The following DNAH14 variants were observed in gnomAD, a reference collection of about 807,000 sequenced individuals.
The protein encoded by DNAH14 is dynein axonemal heavy chain 14, also known as axonemal beta dynein heavy chain 14.
In DNAH14, 478 loss-of-function variants were observed where a neutral mutation model predicts 520.9. The ratio of observed to expected loss-of-function variants is 0.92; its 90% CI spans 0.85 to 0.99. The LOEUF is 0.99. DNAH14 is among the 50% of genes least tolerant of loss of function. The pLI, the probability that DNAH14 is intolerant of heterozygous loss-of-function variation, is 0.00. For synonymous variants in DNAH14, 1,581 were observed against 1,757.2 expected, an observed-to-expected ratio of 0.90 and a Z score of 2.51; for missense variants, 4,831 against 5,234.5, an observed-to-expected ratio of 0.92 and a Z score of 2.38.
chr1:225,065,025 GATA>G (rs1285994471), intron 17 of DNAH14, among the ~76,000 whole-genome samples: 1 of 151,844 alleles, frequency 6.6e-6, no homozygotes, highest in Admixed American at 6.6e-5. Flanking sequence ...GTAAATTGGG[GATA>G]ATATTATTAC....
At position 225,364,883 on chromosome 1, in the gene DNAH14, A is replaced by C. The variant is rs1234687132; in HGVS notation, c.12079A>C (p.Lys4027Gln). 3 of 1,545,302 alleles carry C rather than the reference A, an allele frequency of 1.9e-6. No individual in the cohort carries two copies. Among genetic ancestry groups the C allele is most frequent in the Non-Finnish European group, 2.6e-6 (3 of 1,144,424 alleles). Reference sequence around the variant, plus strand: ...TTCTTTTCCAATTCCTGTTCTTAAAAAGGGTTTAAAGGTAAGAACAAAGTA... The same window carrying C: ...TTCTTTTCCAATTCCTGTTCTTAAACAGGGTTTAAAGGTAAGAACAAAGTA... Reference protein sequence around the residue: ...YSSFPIPVLKKGLKIAVESPQ... With the variant: ...YSSFPIPVLKQGLKIAVESPQ... Residue 4027 changes from lysine to glutamine, a missense_variant, in exon 76 of 86, where the codon AAG (lysine) becomes CAG (glutamine). Coordinates refer to ENST00000682510, the MANE Select transcript of DNAH14 (RefSeq NM_001367479.1).
chr1:225,368,755 T>C (rs2095583167), intron 77 of DNAH14, among the ~76,000 whole-genome samples: 1 of 152,206 alleles, frequency 6.6e-6, no homozygotes, highest in African/African-American at 2.4e-5. Context: ...ATCTATAACC[T>C]AGACCCACTC....
At chr1:225,377,657 G>C (rs1002393086) in intron 79 of DNAH14, among the ~76,000 whole-genome samples, 1 of 151,972 alleles carries the variant, frequency 6.6e-6, no homozygotes, top group Non-Finnish European at 1.5e-5. Flanking sequence ...TAACTTGCGA[G>C]GCTGAGACCC....
At chr1:225,028,802 TGC>T (rs1196105271) in intron 11 of DNAH14, among the ~76,000 whole-genome samples, 3 of 151,960 alleles carry the variant, frequency 2.0e-5, no homozygotes, top group Non-Finnish European at 4.4e-5. Context: ...CAATACAAAG[TGC>T]TCATGAGGAT....
intron 17 of DNAH14, among the ~76,000 whole-genome samples, chr1:225,071,006 G>C (rs757054854): frequency 2.6e-5 from 4 of 152,116 alleles, no homozygotes; most frequent in Non-Finnish European, 5.9e-5. Context: ...TGCAACCCCT[G>C]CTATTTTCTG....
At chr1:224,996,077 G>T (rs1558631175) in intron 8 of DNAH14, among the ~76,000 whole-genome samples, 1 of 151,982 alleles carries the variant, frequency 6.6e-6, no homozygotes, top group Non-Finnish European at 1.5e-5. Context: ...AGTTTCTTTG[G>T]GAGGTGTCAT....
At chr1:225,360,639 A>T (rs1204209230) in intron 74 of DNAH14, 42 bp from the exon 75 acceptor site, 2 of 1,481,340 alleles carry the variant, frequency 1.4e-6, no homozygotes, top group South Asian at 2.5e-5. Context: ...AGGGAATTAA[A>T]TGAGCTTACA....
At chr1:224,964,135 C>T (rs1014258704) in intron 4 of DNAH14, among the ~76,000 whole-genome samples, 3 of 152,084 alleles carry the variant, frequency 2.0e-5, no homozygotes, top group Non-Finnish European at 4.4e-5. Context: ...CCCACACTGT[C>T]ATCCCTACTT....
chr1:225,000,518 C>A (rs1310541412), intron 8 of DNAH14, among the ~76,000 whole-genome samples: 1 of 150,664 alleles, frequency 6.6e-6, no homozygotes, highest in Non-Finnish European at 1.5e-5. Flanking sequence ...ACTTCAGACA[C>A]AAATGCTAGA....
chr1:225,122,830 G>T (rs1054923031), intron 26 of DNAH14, among the ~76,000 whole-genome samples: 1 of 151,974 alleles, frequency 6.6e-6, no homozygotes, highest in East Asian at 1.9e-4. Context: ...AAATTAAAAG[G>T]TTCAGTACTT....
chr1:225,363,182 T>C (rs1014927231), intron 75 of DNAH14, among the ~76,000 whole-genome samples: 4 of 152,198 alleles, frequency 2.6e-5, no homozygotes, highest in Non-Finnish European at 5.9e-5. Context: ...ATGTAATATT[T>C]TTCTGAATCA....
intron 8 of DNAH14, among the ~76,000 whole-genome samples, chr1:224,983,386 G>A (rs912482827): frequency 6.6e-6 from 1 of 152,066 alleles, no homozygotes; most frequent in Middle Eastern, 3.4e-3. Flanking sequence ...AGCAAAATCG[G>A]CATACAGGGA....
intron 1 of DNAH14, among the ~76,000 whole-genome samples, chr1:224,944,314 C>T (rs1212947268): frequency 6.6e-6 from 1 of 152,128 alleles, no homozygotes; most frequent in African/African-American, 2.4e-5. Flanking sequence ...ACTAGGATTG[C>T]AACCCCTTTT....
At chr1:225,023,564 T>A in intron 10 of DNAH14, 51 bp from the exon 11 acceptor site, 1 of 1,418,776 alleles carries the variant, frequency 7.0e-7, no homozygotes, top group East Asian at 2.5e-5. Flanking sequence ...AATCATGCTA[T>A]ATTAACAAAG....
intron 17 of DNAH14, among the ~76,000 whole-genome samples, chr1:225,070,868 C>G (rs1391433991): frequency 6.6e-6 from 1 of 152,030 alleles, no homozygotes; most frequent in Non-Finnish European, 1.5e-5. Context: ...GTGCTCCAGT[C>G]TTGGGTGCAC....
chr1:225,347,406 C>T (rs533825165), intron 71 of DNAH14, among the ~76,000 whole-genome samples: 1 of 152,212 alleles, frequency 6.6e-6, no homozygotes, highest in African/African-American at 2.4e-5. Context: ...TTCATGCCTC[C>T]CCCTCTTTGT....
rs1466021780 is a variant in DNAH14 at position 225,192,805 on chromosome 1, GA to G, written c.5781del (p.Leu1928TyrfsTer26). ...CCTAATACTATGGAATGGACTGATG[GA>G]TTATTATCAGCAACAATTCGAAGTT... ...LDPNTMEWTD[G>X]LLSATIRSYV... is the part of the protein sequence containing the mutation. On this transcript the variant is annotated frameshift_variant, in exon 38 of 86. Coordinates refer to ENST00000682510, the MANE Select transcript of DNAH14 (RefSeq NM_001367479.1). LOFTEE classifies it high-confidence loss of function. The G allele has an allele frequency of 5.8e-6, 9 of 1,549,982 alleles. No homozygotes were observed. The Admixed American group carries it at 9.8e-5, about 17-fold the overall frequency.
intron 49 of DNAH14, among the ~76,000 whole-genome samples, chr1:225,269,018 C>G (rs1574414273): frequency 2.6e-5 from 4 of 152,262 alleles, no homozygotes; most frequent in South Asian, 2.1e-4. Context: ...CCTGCATTGC[C>G]AAGACAATCC....
chr1:225,272,229 ATTG>A (rs1030905868), intron 51 of DNAH14, among the ~76,000 whole-genome samples, 156 bp downstream of exon 51: 19 of 152,354 alleles, frequency 1.2e-4, no homozygotes, highest in South Asian at 4.1e-4. Context: ...TGAAGAAAAA[ATTG>A]TTAAAATAAT....
Sources: gnomAD v4.1 joint callset for allele counts (sites outside exome capture counted in the v4.1 genomes callset) on GRCh38, gnomAD v4.1.1 for gene constraint, MANE v1.5 for transcripts, NCBI Gene and HGNC (gene_info 2026-07-23, HGNC 2026-07-21) for gene names.